Variants in PRKG1 observed in about 807,000 individuals in gnomAD.
PRKG1 encodes the protein protein kinase cGMP-dependent 1.
PRKG1 carries 35 observed loss-of-function variants against 88.1 expected under a neutral mutation model. That is an observed-to-expected ratio of 0.40 (90% CI 0.30 to 0.53). PRKG1 has a LOEUF of 0.53. Ranked by LOEUF, PRKG1 falls within the 20% of genes least tolerant of loss-of-function variation. The pLI is 0.59. For missense variants in PRKG1, 540 were observed against 839.8 expected (o/e 0.64, Z 4.41); for synonymous variants, 303 against 292.5 (o/e 1.04, Z -0.37).
At chr10:51,681,472 A>G (rs1453485413) in intron 3 of PRKG1, among the ~76,000 whole-genome samples, 1 of 152,136 alleles carries the variant, frequency 6.6e-6, no homozygotes, top group Non-Finnish European at 1.5e-5. Context: ...TAGAACCCAA[A>G]AAGTATTTGC....
At chr10:52,239,831 C>T (rs1840812065) in intron 9 of PRKG1, among the ~76,000 whole-genome samples, 1 of 152,064 alleles carries the variant, frequency 6.6e-6, no homozygotes, top group Admixed American at 6.5e-5. Flanking sequence ...ATTTTGTATA[C>T]ATATAGAAAA....
intron 8 of PRKG1, among the ~76,000 whole-genome samples, chr10:52,139,811 C>T (rs1386935602): frequency 6.6e-6 from 1 of 151,982 alleles, no homozygotes; most frequent in Admixed American, 6.6e-5. Flanking sequence ...TGAGTGGGGT[C>T]TCCAGGCATG....
At chr10:51,031,573 T>C (rs1843284277) in intron 1 of PRKG1, among the ~76,000 whole-genome samples, 1 of 152,190 alleles carries the variant, frequency 6.6e-6, no homozygotes. Flanking sequence ...GAGTGGCCAG[T>C]GTGCATCAAG....
At chr10:51,150,125 T>TA (rs1382418595) in intron 1 of PRKG1, among the ~76,000 whole-genome samples, 2 of 152,158 alleles carry the variant, frequency 1.3e-5, no homozygotes, top group African/African-American at 4.8e-5. Context: ...TTGCTTCTTA[T>TA]ACCTCCCAAG....
chr10:51,826,224 A>G (rs1291364069), intron 4 of PRKG1, among the ~76,000 whole-genome samples: 10 of 152,146 alleles, frequency 6.6e-5, no homozygotes. Flanking sequence ...GAATATGAGG[A>G]GAGTCCCACA....
chr10:51,373,301 A>T (rs189374789), intron 2 of PRKG1, among the ~76,000 whole-genome samples: 1 of 152,236 alleles, frequency 6.6e-6, no homozygotes, highest in Non-Finnish European at 1.5e-5. Flanking sequence ...GGAAATCAAG[A>T]ATCTGAGCCC....
intron 3 of PRKG1, chr10:51,697,605 C>T (rs1841332502): frequency 8.3e-7 from 1 of 1,202,348 alleles, no homozygotes; most frequent in African/African-American, 1.5e-5. Flanking sequence ...AAACCCTAAT[C>T]CAAGTGTGGG....
At chr10:51,938,159 CAAG>C (rs749323060) in intron 5 of PRKG1, among the ~76,000 whole-genome samples, 36 of 151,972 alleles carry the variant, frequency 2.4e-4, no homozygotes, top group Non-Finnish European at 4.3e-4. Flanking sequence ...CACATCATCA[CAAG>C]AAGAAGGGTA....
chr10:52,269,247 C>T (rs1841655507), intron 10 of PRKG1, among the ~76,000 whole-genome samples: 1 of 152,004 alleles, frequency 6.6e-6, no homozygotes, highest in African/African-American at 2.4e-5. Context: ...ATTTTTCATG[C>T]CATCTTCCCT....
At chr10:51,982,956 T>A (rs1844050558) in intron 5 of PRKG1, among the ~76,000 whole-genome samples, 2 of 152,270 alleles carry the variant, frequency 1.3e-5, no homozygotes, top group African/African-American at 4.8e-5. Context: ...CTGGCAACTG[T>A]ACCCATGGTT....
chr10:51,670,614 T>C (rs1487810503), intron 3 of PRKG1, among the ~76,000 whole-genome samples: 1 of 148,498 alleles, frequency 6.7e-6, no homozygotes, highest in East Asian at 1.9e-4. Flanking sequence ...CGGGCGCCTG[T>C]AGTCCCAGCT....
At chr10:52,072,692 T>C (rs890149579) in intron 7 of PRKG1, among the ~76,000 whole-genome samples, 2 of 152,196 alleles carry the variant, frequency 1.3e-5, no homozygotes, top group Admixed American at 1.3e-4. Context: ...AAATTTCCTC[T>C]CATAATAACG....
chr10:51,618,518 C>A (rs1839122806), intron 3 of PRKG1, among the ~76,000 whole-genome samples: 1 of 152,110 alleles, frequency 6.6e-6, no homozygotes, highest in Non-Finnish European at 1.5e-5. Context: ...TATATACTAG[C>A]CCCTATTCTA....
At chr10:52,255,137 T>C (rs1380482101) in intron 10 of PRKG1, among the ~76,000 whole-genome samples, 1 of 152,120 alleles carries the variant, frequency 6.6e-6, no homozygotes, top group African/African-American at 2.4e-5. Flanking sequence ...AGTATCACTT[T>C]CAGCAAAAGA....
chr10:52,167,769 C>T (rs916173922), intron 9 of PRKG1, among the ~76,000 whole-genome samples: 4 of 152,154 alleles, frequency 2.6e-5, no homozygotes, highest in Non-Finnish European at 4.4e-5. Flanking sequence ...CCCTAGGCTC[C>T]ATCCTTCAGT....
chr10:51,156,951 A>T (rs1846229956), intron 2 of PRKG1, among the ~76,000 whole-genome samples: 1 of 151,986 alleles, frequency 6.6e-6, no homozygotes, highest in Non-Finnish European at 1.5e-5. Flanking sequence ...ATATTCAGCA[A>T]AAGACCCAGG....
At chr10:51,521,040 C>A (rs1298824927) in intron 3 of PRKG1, among the ~76,000 whole-genome samples, 2 of 152,236 alleles carry the variant, frequency 1.3e-5, no homozygotes, top group African/African-American at 4.8e-5. Context: ...CCTGTAATCC[C>A]AGCACTGGGA....
At position 52,253,510 on chromosome 10, in the gene PRKG1, GCAT is replaced by G. The variant is rs1841231739; in HGVS notation, c.1173+1845_1173+1847del. The G allele has an allele frequency of 1.6e-4, 9 of 55,274 alleles. No homozygotes were observed. In the South Asian group the frequency reaches 8.8e-3, roughly 54 times the overall value. 3.4% of individuals were successfully genotyped at this position (55,274 alleles called of 1,614,324 possible). On this transcript the variant is annotated intron_variant, in intron 10 of 17. Transcript: ENST00000373980. ...CAAAATTGGGAAGAATTTAATGTGG[GCAT>G]ATAAAAGTTAGTTTAAAAACAAAAA...
At chr10:51,195,229 T>G (rs1019660539) in intron 2 of PRKG1, among the ~76,000 whole-genome samples, 1 of 152,224 alleles carries the variant, frequency 6.6e-6, no homozygotes, top group African/African-American at 2.4e-5. Flanking sequence ...TGAGGACATC[T>G]TATTCATCAA....
Sources: gnomAD v4.1 joint callset for allele counts (sites outside exome capture counted in the v4.1 genomes callset) on GRCh38, gnomAD v4.1.1 for gene constraint, MANE v1.5 for transcripts, NCBI Gene and HGNC (gene_info 2026-07-23, HGNC 2026-07-21) for gene names.